Variants in ZNF892 observed in about 807,000 individuals in gnomAD.
ZNF892 encodes the protein zinc finger protein 570-like.
chr2:95,214,625 A>G, the ZNF892 span: 1 of 400,420 alleles, frequency 2.5e-6, no homozygotes, highest in Non-Finnish European at 4.4e-6. Context: ...ATTGTGATTC[A>G]TTTAAAAATA....
At chr2:95,211,088 A>G in the ZNF892 span, among the ~76,000 whole-genome samples, 2 of 152,148 alleles carry the variant, frequency 1.3e-5, no homozygotes, top group Non-Finnish European at 2.9e-5. Flanking sequence ...AACTTTCATA[A>G]TCATTTGGGC....
At chr2:95,233,613 C>A in the ZNF892 span, among the ~76,000 whole-genome samples, 1 of 124,340 alleles carries the variant, frequency 8.0e-6, no homozygotes, top group Non-Finnish European at 1.6e-5. Flanking sequence ...GCGGAGCTTG[C>A]AGTGAGCTGA....
the ZNF892 span, among the ~76,000 whole-genome samples, chr2:95,249,118 C>T: frequency 1.3e-5 from 2 of 150,188 alleles, no homozygotes; most frequent in African/African-American, 4.9e-5. Flanking sequence ...CTGTTTTTCT[C>T]CCATACTTTG....
the ZNF892 span, among the ~76,000 whole-genome samples, chr2:95,230,153 G>T: frequency 6.6e-6 from 1 of 152,276 alleles, no homozygotes; most frequent in South Asian, 2.1e-4. Context: ...TCACTTATAA[G>T]TGGGAGCTAA....
the ZNF892 span, among the ~76,000 whole-genome samples, chr2:95,212,461 G>T: frequency 6.6e-6 from 1 of 152,176 alleles, no homozygotes; most frequent in Non-Finnish European, 1.5e-5. Flanking sequence ...TGATTTTTTA[G>T]AAAGTAAATA....
At chr2:95,252,148 A>G in the ZNF892 span, among the ~76,000 whole-genome samples, 1 of 152,102 alleles carries the variant, frequency 6.6e-6, no homozygotes, top group East Asian at 1.9e-4. Context: ...GGTTTGTTAC[A>G]TATGTATACA....
chr2:95,248,406 G>T, the ZNF892 span, among the ~76,000 whole-genome samples: 1 of 152,178 alleles, frequency 6.6e-6, no homozygotes, highest in South Asian at 2.1e-4. Context: ...TCAGCACCTT[G>T]GTGACAGGAT....
At chr2:95,208,948 A>C in the ZNF892 span, among the ~76,000 whole-genome samples, 1 of 152,228 alleles carries the variant, frequency 6.6e-6, no homozygotes. Flanking sequence ...TGTTTGCTGC[A>C]CACACATTGA....
chr2:95,212,282 C>T, the ZNF892 span: 8 of 398,368 alleles, frequency 2.0e-5, no homozygotes, highest in African/African-American at 8.2e-5. Context: ...CAGTCAAAAG[C>T]GTGAGTGTTG....
the ZNF892 span, among the ~76,000 whole-genome samples, chr2:95,220,536 T>A: frequency 6.6e-6 from 1 of 152,160 alleles, no homozygotes; most frequent in Non-Finnish European, 1.5e-5. Context: ...GTTTGCTTTG[T>A]ATATAATATC....
the ZNF892 span, among the ~76,000 whole-genome samples, chr2:95,249,124 C>A: frequency 4.0e-5 from 6 of 148,832 alleles, no homozygotes; most frequent in Admixed American, 4.1e-4. Flanking sequence ...TTCTCCCATA[C>A]TTTGAACACA....
At chr2:95,224,910 G>T in the ZNF892 span, among the ~76,000 whole-genome samples, 1 of 152,184 alleles carries the variant, frequency 6.6e-6, no homozygotes, top group South Asian at 2.1e-4. Context: ...GCTCCCTCTT[G>T]CTCCTCTATT....
chr2:95,207,892 A>G, the ZNF892 span: 1 of 398,604 alleles, frequency 2.5e-6, no homozygotes. Flanking sequence ...AAAGGGAGAA[A>G]GGCTACCTCT....
the ZNF892 span, among the ~76,000 whole-genome samples, chr2:95,243,494 G>T: frequency 2.7e-5 from 4 of 149,962 alleles, no homozygotes; most frequent in Non-Finnish European, 5.9e-5. Flanking sequence ...GAGCGCCTCT[G>T]CCCTGCCGCC....
chr2:95,211,733 C>G, the ZNF892 span: 7 of 398,342 alleles, frequency 1.8e-5, no homozygotes, highest in African/African-American at 4.1e-5. Flanking sequence ...AAGGATGGCT[C>G]CCCCAATGCC....
chr2:95,211,733 C>T, the ZNF892 span: 8 of 398,342 alleles, frequency 2.0e-5, no homozygotes, highest in Non-Finnish European at 3.1e-5. Context: ...AAGGATGGCT[C>T]CCCCAATGCC....
the ZNF892 span, among the ~76,000 whole-genome samples, chr2:95,233,672 CAAAAAAAAA>C: frequency 1.4e-4 from 5 of 35,172 alleles, no homozygotes; most frequent in South Asian, 2.9e-3. Flanking sequence ...GACTCCATCT[CAAAAAAAAA>C]AAAAAAAAAA....
chr2:95,206,465 G>C, the ZNF892 span, among the ~76,000 whole-genome samples: 2 of 152,166 alleles, frequency 1.3e-5, no homozygotes, highest in African/African-American at 4.8e-5. Context: ...GGTTTAGGAA[G>C]GGGAGGGGAA....
the ZNF892 span, among the ~76,000 whole-genome samples, chr2:95,246,469 C>G: frequency 6.6e-6 from 1 of 152,196 alleles, no homozygotes; most frequent in Non-Finnish European, 1.5e-5. Flanking sequence ...AGGATGCTCT[C>G]TCTCACCACT....
Sources: allele counts gnomAD v4.1 joint callset (sites outside exome capture counted in the v4.1 genomes callset), GRCh38; gene constraint gnomAD v4.1.1; transcripts MANE v1.5; gene names NCBI Gene and HGNC (gene_info 2026-07-23, HGNC 2026-07-21).